USP24: variants seen among roughly 807,000 people sequenced by gnomAD.
USP24 encodes ubiquitin carboxyl-terminal hydrolase 24.
A neutral mutation model predicts 361.6 loss-of-function variants in USP24; 97 were observed. The observed-to-expected ratio is 0.27, with a 90% CI of 0.23 to 0.32. The LOEUF is 0.32. Ranked by LOEUF, USP24 falls within the 10% of genes least tolerant of loss-of-function variation. USP24 has a pLI of 1.00. For synonymous variants in USP24, 1,098 were observed against 1,124.6 expected (o/e 0.98, Z 0.47); for missense variants, 2,353 against 3,165.6 (o/e 0.74, Z 6.16).
chr1:55,081,172 T>G, intron 59 of USP24, 150 bp downstream of exon 59: 1 of 692,126 alleles, frequency 1.4e-6, no homozygotes, highest in Non-Finnish European at 2.4e-6. Flanking sequence ...ATTATAAAGT[T>G]TAACATGAAT....
chr1:55,088,742 CATAA>C (rs1372431549), intron 55 of USP24, among the ~76,000 whole-genome samples: 1 of 152,140 alleles, frequency 6.6e-6, no homozygotes, highest in Non-Finnish European at 1.5e-5. Context: ...TGGAACCCCA[CATAA>C]ATGTTGAACT....
In USP24 at chr1:55,183,145, AATT is replaced by A. The variant is rs1373725737; in HGVS notation, c.325-5016_325-5014del. On this transcript the variant is annotated intron_variant, in intron 1 of 67. Transcript: ENST00000294383. ...ATCCTGGACTGGATCTTGAAACAGA[AATT>A]ATTATGTGTTTTATTTTACATTTTA... is the stretch of plus-strand genomic sequence containing the variant. Among the ~76,000 whole-genome samples the A allele has an allele frequency of 3.9e-5, 6 of 152,180 alleles. No individual in the cohort carries two copies. In the South Asian group the frequency reaches 1.0e-3, roughly 26 times the overall value.
rs1458010955 is a variant in USP24, at chr1:55,138,721, T to TA, written c.2818-4dup. Reference sequence around the variant, plus strand: ...GTTCGTGGAACAGAGTAAAAATCCTTAAAAAACGAATAAGTCAAGTCAGAT... The same window carrying TA: ...GTTCGTGGAACAGAGTAAAAATCCTTAAAAAAACGAATAAGTCAAGTCAGAT... On this transcript the variant is annotated splice_region_variant and splice_polypyrimidine_tract_variant and intron_variant, in intron 25 of 67. Coordinates refer to ENST00000294383, the MANE Select transcript of USP24 (RefSeq NM_015306.3). 6.2e-7 allele frequency: 1 copy of TA among 1,604,920 alleles called. No homozygotes were observed. The highest frequency in any genetic ancestry group is 1.3e-5 in the African/African-American group (1 of 74,664).
rs1486897543 is a variant in USP24 at position 55,068,604 on chromosome 1, A to C, written c.*441T>G. The C allele has an allele frequency of 6.2e-6, 1 of 160,252 alleles. No homozygotes were observed. The highest frequency in any genetic ancestry group is 2.4e-5 in the African/African-American group (1 of 41,784). 9.9% of individuals were successfully genotyped at this position (160,252 alleles called of 1,614,324 possible). On this transcript the variant is annotated 3_prime_UTR_variant, in exon 68 of 68. Transcript: ENST00000294383. ...CATTTTAAATTGGATATTCCTGTTTAATATTACTGCAAGATTAAAAATTTG... is the reference window on the plus strand; with the variant it reads ...CATTTTAAATTGGATATTCCTGTTTCATATTACTGCAAGATTAAAAATTTG...
At chr1:55,098,694 G>A (rs1278511723) in intron 45 of USP24, 136 bp from the exon 46 acceptor site, 2 of 669,252 alleles carry the variant, frequency 3.0e-6, no homozygotes, top group African/African-American at 3.6e-5. Context: ...GTGAATGGAG[G>A]CTAAACCCAT....
At chr1:55,147,621 C>A in intron 18 of USP24, 28 bp downstream of exon 18, 1 of 1,557,314 alleles carries the variant, frequency 6.4e-7, no homozygotes, top group Non-Finnish European at 8.6e-7. Context: ...TGTTGTAAAT[C>A]ATGAAGCAAA....
At chr1:55,175,083 T>A in intron 3 of USP24, among the ~76,000 whole-genome samples, 1 of 152,126 alleles carries the variant, frequency 6.6e-6, no homozygotes, top group East Asian at 1.9e-4. Flanking sequence ...CTCCATTTTT[T>A]AAAAAATGAA....
At chr1:55,069,812 GCA>G (rs974422758) in intron 67 of USP24, among the ~76,000 whole-genome samples, 1 of 133,062 alleles carries the variant, frequency 7.5e-6, no homozygotes, top group African/African-American at 2.8e-5. Context: ...GAAGGAGGTA[GCA>G]GTGAGGTGAG....
At chr1:55,108,222 A>G (rs1399824045) in intron 39 of USP24, among the ~76,000 whole-genome samples, 3 of 152,208 alleles carry the variant, frequency 2.0e-5, no homozygotes, top group Non-Finnish European at 4.4e-5. Context: ...TTTCTAAACA[A>G]TGTGCCAAAC....
At chr1:55,119,882 A>C (rs1646229606) in intron 38 of USP24, among the ~76,000 whole-genome samples, 1 of 152,108 alleles carries the variant, frequency 6.6e-6, no homozygotes, top group African/African-American at 2.4e-5. Flanking sequence ...ATAGTGTTTC[A>C]GTTTAGGATG....
At chr1:55,162,458 T>C (rs967796012) in intron 7 of USP24, among the ~76,000 whole-genome samples, 194 bp from the exon 8 acceptor site, 1 of 152,212 alleles carries the variant, frequency 6.6e-6, no homozygotes, top group Non-Finnish European at 1.5e-5. Flanking sequence ...TAAATTATTA[T>C]AGAAATTTAA....
intron 1 of USP24, among the ~76,000 whole-genome samples, chr1:55,195,441 A>G (rs1431828293): frequency 6.6e-6 from 1 of 152,248 alleles, no homozygotes; most frequent in African/African-American, 2.4e-5. Context: ...ATTCTCATTC[A>G]GTATTTTCCA....
At chr1:55,171,754 A>C in intron 4 of USP24, 76 bp from the exon 5 acceptor site, 1 of 1,477,612 alleles carries the variant, frequency 6.8e-7, no homozygotes, top group Non-Finnish European at 9.2e-7. Context: ...AAAGAAGATA[A>C]AAATATAGCC....
Position 55,137,615 on chromosome 1 carries a change from G to T in USP24, c.3101C>A (p.Thr1034Asn), listed in dbSNP as rs1250839996. The T allele has an allele frequency of 6.2e-7, 1 of 1,613,406 alleles. No individual in the cohort carries two copies. Among genetic ancestry groups the T allele is most frequent in the Non-Finnish European group, 8.5e-7 (1 of 1,179,638 alleles). The change falls in exon 28 of 68, where the codon ACT (threonine) becomes AAT (asparagine). Residue 1034 changes from threonine (T) to asparagine (N), a missense_variant. Around this residue, in one of 8 missense-constraint regions of USP24, gnomAD observed 949 missense variants for 1,280.5 expected, o/e 0.74. Transcript: ENST00000294383. ...CCCAGATGGGGTCCCACTGCCAGAA[G>T]TCTTCACTGTAAGGATTTGTTCATC... ...FSDEQILTVK[T>N]SGSGTPSGSS...
At chr1:55,094,388 A>C (rs1645448482) in intron 51 of USP24, among the ~76,000 whole-genome samples, 1 of 152,218 alleles carries the variant, frequency 6.6e-6, no homozygotes, top group South Asian at 2.1e-4. Context: ...ATTTAAGCAC[A>C]AAATGAATTC....
chr1:55,167,833 C>T (rs1185046822), intron 5 of USP24, among the ~76,000 whole-genome samples: 1 of 152,002 alleles, frequency 6.6e-6, no homozygotes, highest in Non-Finnish European at 1.5e-5. Flanking sequence ...ATGTTATTTA[C>T]TAAAAAGGAG....
In USP24 at chr1:55,177,172, C is replaced by T. The variant is rs180958024; in HGVS notation, c.491-729G>A. Among the ~76,000 whole-genome samples, 217 of 151,874 alleles carry T rather than the reference C, an allele frequency of 1.4e-3. 4 individuals are homozygous for T. In the East Asian group the frequency reaches 0.039, roughly 27 times the overall value. The stretch of plus-strand genomic sequence containing the variant: ...ATTTGCAATAAATGCCTAAATTACT[C>T]TTCTTCCCTAAAACAAACCAATGAA... On this transcript the variant is annotated intron_variant, in intron 2 of 67. Coordinates refer to ENST00000294383, the MANE Select transcript of USP24 (RefSeq NM_015306.3).
intron 8 of USP24, among the ~76,000 whole-genome samples, chr1:55,161,445 T>C (rs546419710): frequency 6.6e-6 from 1 of 151,308 alleles, no homozygotes; most frequent in African/African-American, 2.4e-5. Flanking sequence ...AAAAATCCTA[T>C]CTCCCTTATT....
chr1:55,081,643 G>A (rs1162217016), intron 58 of USP24, among the ~76,000 whole-genome samples: 4 of 152,186 alleles, frequency 2.6e-5, no homozygotes, highest in Non-Finnish European at 5.9e-5. Flanking sequence ...ATTCACTGTA[G>A]GTACTGAGTG....
Sources: gnomAD v4.1 joint callset for allele counts (sites outside exome capture counted in the v4.1 genomes callset) on GRCh38, gnomAD v4.1.1 for gene constraint, gnomAD v4.1.1 regional missense constraint, MANE v1.5 for transcripts, NCBI Gene and HGNC (gene_info 2026-07-23, HGNC 2026-07-21) for gene names.